The following TRIM14 variants were observed in gnomAD, a reference collection of about 807,000 sequenced individuals.
The protein encoded by TRIM14 is tripartite motif-containing protein 14.
TRIM14 carries 28 observed loss-of-function variants against 44.5 expected under a neutral mutation model. The observed-to-expected ratio is 0.63, with a 90% CI of 0.47 to 0.86. The LOEUF is 0.86. TRIM14 is among the 40% of genes least tolerant of loss of function. The pLI is 0.00. For missense variants in TRIM14, 607 were observed against 611.1 expected (o/e 0.99, Z 0.07); for synonymous variants, 299 against 269.2 (o/e 1.11, Z -1.08).
intron 5 of TRIM14, among the ~76,000 whole-genome samples, chr9:98,088,350 C>CTTTT (rs386415586): frequency 6.9e-6 from 1 of 145,338 alleles, no homozygotes; most frequent in African/African-American, 2.6e-5. Context: ...TATAGCTTTT[C>CTTTT]TTTTTCTTTT....
chr9:98,046,584 G>A, the TRIM14 span, among the ~76,000 whole-genome samples: 3 of 152,020 alleles, frequency 2.0e-5, no homozygotes, highest in African/African-American at 7.3e-5. Context: ...TGGGATTACA[G>A]GCATGCGCCA....
chr9:98,105,995 C>T (rs78527591), intron 2 of TRIM14, among the ~76,000 whole-genome samples: 25 of 152,282 alleles, frequency 1.6e-4, no homozygotes, highest in African/African-American at 3.9e-4. Context: ...TCCAAATTCA[C>T]GGAAACTCAA....
downstream of TRIM14, chr9:98,083,141 C>A: frequency 7.7e-7 from 1 of 1,299,102 alleles, no homozygotes; most frequent in Non-Finnish European, 1.1e-6. Flanking sequence ...GAATGGCGGT[C>A]TCCAGGGACC....
At chr9:98,061,760 T>C in the TRIM14 span, among the ~76,000 whole-genome samples, 2 of 148,342 alleles carry the variant, frequency 1.3e-5, no homozygotes, top group African/African-American at 5.0e-5. Flanking sequence ...AGCCTGGTGA[T>C]AGAGCAAGAT....
intron 4 of TRIM14, among the ~76,000 whole-genome samples, chr9:98,093,411 A>T (rs1449247953): frequency 6.6e-6 from 1 of 152,228 alleles, no homozygotes; most frequent in Non-Finnish European, 1.5e-5. Flanking sequence ...TAATCCTCAC[A>T]GCAGCCCAGG....
rs1409759150 is a variant in TRIM14 at position 98,119,026 on chromosome 9, C to G, written c.163G>C (p.Gly55Arg). 1 of 1,571,354 alleles carries G rather than the reference C, an allele frequency of 6.4e-7. No homozygotes were observed. The highest frequency in any genetic ancestry group is 2.4e-5 in the East Asian group (1 of 41,794). The change falls in exon 1 of 6, where the codon GGC becomes CGC. Residue 55 changes from glycine (G) to arginine (R), a missense_variant. By Grantham distance (125) the Gly-to-Arg change is moderately radical. Transcript: ENST00000341469. ...ALCPVLGAHR[G>R]HPVGLALEAA... ...TCCAGCGCCAGGCCCACAGGGTGGC[C>G]ACGGTGCGCGCCCAGCACCGGGCAA... is the stretch of plus-strand genomic sequence containing the variant.
At chr9:98,109,261 A>G (rs1826747338) in intron 2 of TRIM14, among the ~76,000 whole-genome samples, 1 of 150,798 alleles carries the variant, frequency 6.6e-6, no homozygotes, top group African/African-American at 2.5e-5. Context: ...AGGGAGCAAC[A>G]GAGGATGAAA....
intron 1 of TRIM14, 162 bp from the exon 2 acceptor site, chr9:98,110,146 C>G: frequency 1.6e-6 from 1 of 619,604 alleles, no homozygotes; most frequent in Non-Finnish European, 2.9e-6. Flanking sequence ...GGTGGATGAG[C>G]TGGGACTAGG....
At chr9:98,092,554 A>G (rs1271945233) in intron 4 of TRIM14, 5 of 358,992 alleles carry the variant, frequency 1.4e-5, no homozygotes, top group Non-Finnish European at 2.3e-5. Flanking sequence ...AGGGGCCTGT[A>G]GAGATCTGTG....
intron 1 of TRIM14, among the ~76,000 whole-genome samples, chr9:98,111,958 T>C (rs1826870892): frequency 6.6e-6 from 1 of 152,036 alleles, no homozygotes; most frequent in Non-Finnish European, 1.5e-5. Flanking sequence ...CAAACAAAAA[T>C]TGTTTTCAGT....
intron 5 of TRIM14, among the ~76,000 whole-genome samples, chr9:98,088,355 TC>T (rs1217053943): frequency 2.6e-5 from 4 of 152,144 alleles, no homozygotes; most frequent in African/African-American, 9.7e-5. Flanking sequence ...CTTTTCTTTT[TC>T]TTTTTTTTCT....
downstream of TRIM14, chr9:98,084,231 T>G (rs1338808174): frequency 1.3e-5 from 2 of 152,192 alleles, no homozygotes; most frequent in Non-Finnish European, 2.9e-5. Context: ...GTTCCTGTGC[T>G]GTACGAGGGA....
At chr9:98,109,262 G>GAGGATGAAAGGGGGAGGGAGCAAC (rs1167231671) in intron 2 of TRIM14, among the ~76,000 whole-genome samples, 1 of 151,218 alleles carries the variant, frequency 6.6e-6, no homozygotes, top group Non-Finnish European at 1.5e-5. Flanking sequence ...GGGAGCAACA[G>GAGGATGAAAGGGGGAGGGAGCAAC]AGGATGAAAG....
At position 98,094,971 on chromosome 9, in the gene TRIM14, T is replaced by TG; in HGVS notation, c.595dup (p.His199ProfsTer8). 6.2e-7 allele frequency: 1 copy of TG among 1,614,100 alleles called. No homozygotes were observed. The highest frequency in any genetic ancestry group is 2.2e-5 in the East Asian group (1 of 44,868). On this transcript the variant is annotated frameshift_variant, in exon 4 of 6. Transcript: ENST00000341469. LOFTEE classifies it high-confidence loss of function. ...GGGCTCAAAGGAGAGGGGCACGGGA[T>TG]GGCACAGCTCCCCGAGGCTCATCTG... is the stretch of plus-strand genomic sequence containing the variant.
chr9:98,065,564 C>T (rs183689977), downstream of TRIM14, among the ~76,000 whole-genome samples: 1,190 of 140,768 alleles, frequency 8.5e-3, 13 homozygotes, highest in African/African-American at 0.03. Flanking sequence ...GTCTCGAACT[C>T]CTGACCTCAG....
chr9:98,089,262 G>A (rs535998274), intron 5 of TRIM14, among the ~76,000 whole-genome samples: 102 of 151,708 alleles, frequency 6.7e-4, no homozygotes, highest in African/African-American at 2.3e-3. Flanking sequence ...CTGCAACCTC[G>A]GCCTCCTGGG....
At chr9:98,069,157 T>C (rs1481092341), downstream of TRIM14, 1 of 152,242 alleles carries the variant, frequency 6.6e-6, no homozygotes, top group East Asian at 1.9e-4. Flanking sequence ...TTACAACTTT[T>C]ATTCTTAGTA....
chr9:98,104,107 C>T (rs1826509669), intron 2 of TRIM14, among the ~76,000 whole-genome samples: 2 of 152,182 alleles, frequency 1.3e-5, no homozygotes, highest in African/African-American at 2.4e-5. Flanking sequence ...GGTTCAGAGG[C>T]TAGCTCATAC....
At chr9:98,078,201 A>T in intron 6 of TRIM14, 1 of 1,614,226 alleles carries the variant, frequency 6.2e-7, no homozygotes, top group Non-Finnish European at 8.5e-7. Context: ...AGGTCGCCCA[A>T]TGGTGATCTC....
Sources: gnomAD v4.1 joint callset for allele counts (sites outside exome capture counted in the v4.1 genomes callset) on GRCh38, gnomAD v4.1.1 for gene constraint, MANE v1.5 for transcripts, NCBI Gene and HGNC (gene_info 2026-07-23, HGNC 2026-07-21) for gene names.